Variants in SLC27A1 observed in about 807,000 individuals in gnomAD.
The protein encoded by SLC27A1 is solute carrier family 27 member 1, also known as long-chain fatty acid transport protein 1.
A neutral mutation model predicts 62.2 loss-of-function variants in SLC27A1; 61 were observed. The observed-to-expected ratio is 0.98, with a 90% confidence interval of 0.80 to 1.21. The LOEUF is 1.21. Ranked by LOEUF, SLC27A1 falls within the 50% of genes most tolerant of loss-of-function variation. The pLI, the probability that SLC27A1 is intolerant of heterozygous loss-of-function variation, is 0.00. For missense variants in SLC27A1, 903 were observed against 932.1 expected (o/e 0.97, Z 0.41); for synonymous variants, 435 against 408.6 (o/e 1.06, Z -0.78).
At chr19:17,475,417 T>A (rs943589655) in intron 1 of SLC27A1, among the ~76,000 whole-genome samples, 2 of 152,058 alleles carry the variant, frequency 1.3e-5, no homozygotes, top group African/African-American at 4.8e-5. Flanking sequence ...TCTCCTGTGG[T>A]CCCAGCTACT....
intron 1 of SLC27A1, among the ~76,000 whole-genome samples, chr19:17,477,849 C>G (rs2075139817): frequency 6.6e-6 from 1 of 152,124 alleles, no homozygotes; most frequent in Non-Finnish European, 1.5e-5. Flanking sequence ...GCCACCGCAC[C>G]TGCCGCCCAC....
chr19:17,471,775 G>T (rs1368593088), intron 1 of SLC27A1, among the ~76,000 whole-genome samples: 1 of 152,108 alleles, frequency 6.6e-6, no homozygotes, highest in African/African-American at 2.4e-5. Context: ...GCATGCCATG[G>T]CCCCCTGCCC....
At chr19:17,480,928 CTT>C (rs1460430724) in intron 1 of SLC27A1, among the ~76,000 whole-genome samples, 16 of 142,244 alleles carry the variant, frequency 1.1e-4, no homozygotes, top group Admixed American at 1.4e-4. Context: ...ATTTGGATTT[CTT>C]TTTTTTTTTT....
At chr19:17,488,063 A>G (rs1459536225) in intron 4 of SLC27A1, among the ~76,000 whole-genome samples, 1 of 152,128 alleles carries the variant, frequency 6.6e-6, no homozygotes, top group Non-Finnish European at 1.5e-5. Context: ...CCCTCAGAAT[A>G]AAACCCTCTC....
intron 1 of SLC27A1, among the ~76,000 whole-genome samples, chr19:17,471,841 C>T (rs1322742907): frequency 6.6e-6 from 1 of 152,176 alleles, no homozygotes; most frequent in Non-Finnish European, 1.5e-5. Flanking sequence ...GCTCAGACAC[C>T]TTCCATGGCC....
intron 1 of SLC27A1, among the ~76,000 whole-genome samples, chr19:17,474,783 A>C (rs942249766): frequency 6.6e-6 from 1 of 151,800 alleles, no homozygotes; most frequent in East Asian, 1.9e-4. Context: ...GGCATGCACC[A>C]CCACGCCCAG....
chr19:17,472,928 G>A (rs2075090585), intron 1 of SLC27A1, among the ~76,000 whole-genome samples: 1 of 152,002 alleles, frequency 6.6e-6, no homozygotes, highest in South Asian at 2.1e-4. Flanking sequence ...CTGACTAGCT[G>A]GGACTACAAA....
Position 17,486,596 on chromosome 19 carries a change from G to C in SLC27A1, c.201G>C (p.Glu67Asp), listed in dbSNP as rs751875139. 6.3e-7 allele frequency: 1 copy of C among 1,593,398 alleles called. No homozygotes were observed. The highest frequency in any genetic ancestry group is 1.1e-5 in the South Asian group (1 of 89,884). ...CTGTGCTGATCCGCGTGCGCCTGGA[G>C]CTGCGGCGGCACCAGCGTGCCGGCC... is the stretch of plus-strand genomic sequence containing the variant. ...GLSVLIRVRLELRRHQRAGHT... is the reference protein window; with the variant it reads ...GLSVLIRVRLDLRRHQRAGHT... The change falls in exon 2 of 12, where the codon GAG becomes GAC. Residue 67 changes from glutamate to aspartate, a missense_variant. Physicochemically the swap from Glu to Asp is conservative, Grantham distance 45. Coordinates refer to ENST00000252595, the MANE Select transcript of SLC27A1 (RefSeq NM_198580.3). This position sits in a 1 kb window ranked among gnomAD's most constrained non-coding sequence, Gnocchi z 6.6.
chr19:17,473,455 T>C (rs755592121), intron 1 of SLC27A1, among the ~76,000 whole-genome samples: 1 of 152,228 alleles, frequency 6.6e-6, no homozygotes, highest in Non-Finnish European at 1.5e-5. Context: ...TGAGGTCTTA[T>C]CAGACTCAAA....
chr19:17,472,969 A>G (rs1214780237), intron 1 of SLC27A1, among the ~76,000 whole-genome samples: 1 of 151,904 alleles, frequency 6.6e-6, no homozygotes, highest in Non-Finnish European at 1.5e-5. Context: ...TAGTTAATAG[A>G]ATGTTTTTTA....
chr19:17,483,395 C>A (rs2075199471), intron 1 of SLC27A1, among the ~76,000 whole-genome samples: 1 of 151,964 alleles, frequency 6.6e-6, no homozygotes, highest in African/African-American at 2.4e-5. Context: ...AATGAGGCTG[C>A]TGGGGGGAGC....
chr19:17,470,772 C>T, intron 1 of SLC27A1, 65 bp downstream of exon 1: 2 of 1,252,316 alleles, frequency 1.6e-6, no homozygotes, highest in East Asian at 5.0e-5. Context: ...GCGCACGGTG[C>T]AGGGCTGGGT....
upstream of SLC27A1, chr19:17,469,096 A>G (rs1450646423): frequency 6.6e-6 from 1 of 151,872 alleles, no homozygotes; most frequent in African/African-American, 2.4e-5. Flanking sequence ...GGTGCAAGTA[A>G]AGGGCCTGTA....
intron 4 of SLC27A1, among the ~76,000 whole-genome samples, chr19:17,488,133 C>A (rs968092647): frequency 1.3e-5 from 2 of 152,124 alleles, no homozygotes; most frequent in Admixed American, 6.5e-5. Flanking sequence ...CTGAGGCAGG[C>A]GGGTCACTTG....
At chr19:17,493,565 C>A (rs1443928215) in intron 6 of SLC27A1, among the ~76,000 whole-genome samples, 1 of 151,680 alleles carries the variant, frequency 6.6e-6, no homozygotes, top group Admixed American at 6.6e-5. Context: ...GCTATTTTAT[C>A]TGTAGCAGCA....
Position 17,486,863 on chromosome 19 carries a change from G to T in SLC27A1, c.468G>T (p.Ala156=). ...TGGCCAAGGCGGGCATGGAGGCCGC[G>T]CTGCTCAACGTGAACCTGCGGCGCG... is the stretch of plus-strand genomic sequence containing the variant. ...LGLAKAGMEA[A]LLNVNLRREP... is the part of the protein sequence containing the mutation. Residue 156 remains alanine (A), a synonymous_variant, in exon 2 of 12, where the codon GCG becomes GCT. Coordinates refer to ENST00000252595, the MANE Select transcript of SLC27A1 (RefSeq NM_198580.3). This position sits in a 1 kb window ranked among gnomAD's most constrained non-coding sequence, Gnocchi z 6.6. 6.3e-7 allele frequency: 1 copy of T among 1,585,376 alleles called. No individual in the cohort carries two copies. Among genetic ancestry groups the T allele is most frequent in the Non-Finnish European group, 8.5e-7 (1 of 1,172,680 alleles).
At chr19:17,482,944 C>T (rs1048442700) in intron 1 of SLC27A1, among the ~76,000 whole-genome samples, 13 of 150,854 alleles carry the variant, frequency 8.6e-5, no homozygotes, top group Admixed American at 6.6e-4. Flanking sequence ...GCACAGATCT[C>T]CTGCGTGCTC....
At position 17,489,070 on chromosome 19, in the gene SLC27A1, T is replaced by G. The variant is rs1568417355; in HGVS notation, c.949T>G (p.Phe317Val). The change falls in exon 6 of 12, where the codon TTC becomes GTC. Residue 317 changes from phenylalanine (F) to valine (V), a missense_variant. Transcript: ENST00000252595. ...GCTGACAGTCGTCCTCCGCAAGAAA[T>G]TCTCGGCCAGCCGCTTCTGGGACGA... ...YGLTVVLRKK[F>V]SASRFWDDCI... The G allele has an allele frequency of 6.2e-7, 1 of 1,614,136 alleles. No homozygotes were observed. Among genetic ancestry groups the G allele is most frequent in the East Asian group, 2.2e-5 (1 of 44,866 alleles).
chr19:17,494,196 G>C (rs141876146), intron 6 of SLC27A1, among the ~76,000 whole-genome samples: 1,908 of 144,984 alleles, frequency 0.013, 42 homozygotes, highest in African/African-American at 0.047. Context: ...TTTTTTTTTT[G>C]TATTTTTTAG....
Sources: gnomAD v4.1 joint callset for allele counts (sites outside exome capture counted in the v4.1 genomes callset) on GRCh38, gnomAD v4.1.1 for gene constraint, Gnocchi (gnomAD v3.1) non-coding constraint, MANE v1.5 for transcripts, NCBI Gene and HGNC (gene_info 2026-07-23, HGNC 2026-07-21) for gene names.